A4GALT: variants seen among roughly 807,000 people sequenced by gnomAD.
A4GALT encodes lactosylceramide 4-alpha-galactosyltransferase.
For missense variants in A4GALT, 512 were observed against 486.0 expected, an observed-to-expected ratio of 1.05 and a Z score of -0.50; for synonymous variants, 257 against 220.7, an observed-to-expected ratio of 1.16 and a Z score of -1.46.
At chr22:42,720,056 T>TG (rs1922565406) in intron 1 of A4GALT, among the ~76,000 whole-genome samples, 1 of 152,122 alleles carries the variant, frequency 6.6e-6, no homozygotes, top group Non-Finnish European at 1.5e-5. Context: ...GGATGGGCGC[T>TG]GGGACCAGGT....
intron 1 of A4GALT, among the ~76,000 whole-genome samples, chr22:42,715,288 A>G (rs1275644679): frequency 6.6e-6 from 1 of 151,978 alleles, no homozygotes; most frequent in East Asian, 1.9e-4. Context: ...ACCACCAGAA[A>G]TGTGGTCAAG....
At chr22:42,698,524 C>A (rs1288682996) in intron 1 of A4GALT, among the ~76,000 whole-genome samples, 1 of 152,210 alleles carries the variant, frequency 6.6e-6, no homozygotes, top group Non-Finnish European at 1.5e-5. Context: ...CAACCATGAC[C>A]CAACAAAACG....
In A4GALT at chr22:42,706,197, T is replaced by C. The variant is rs1383219072; in HGVS notation, c.-187-10566A>G. ...GGTGAAACCCCGTCTCTACTAAAAA[T>C]ACAAAAAATTAGCCAGGCGTGGTGG... On this transcript the variant is annotated intron_variant, in intron 1 of 2. Coordinates refer to ENST00000642412, the MANE Select transcript of A4GALT (RefSeq NM_017436.7). Among the ~76,000 whole-genome samples, 2 of 136,870 alleles carry C rather than the reference T, an allele frequency of 1.5e-5. 1 individual carries two copies. The highest frequency in any genetic ancestry group is 5.5e-5 in the African/African-American group (2 of 36,678). The allele number at this position is 136,870 out of a possible 152,430, so 89.8% of individuals were successfully genotyped here. A position where few individuals can be genotyped will look rare whatever the true frequency, so the allele number is the denominator to read the frequency against.
chr22:42,712,584 C>T (rs1003830949), intron 1 of A4GALT, among the ~76,000 whole-genome samples: 3 of 152,210 alleles, frequency 2.0e-5, no homozygotes, highest in Non-Finnish European at 2.9e-5. Flanking sequence ...GCTTCACTTT[C>T]ACCTGTTTTA....
At chr22:42,709,526 G>A (rs67418653) in intron 1 of A4GALT, among the ~76,000 whole-genome samples, 52,959 of 151,762 alleles carry the variant, frequency 0.35, 10,264 homozygotes, top group South Asian at 0.45. Context: ...ACGGTGGCTC[G>A]TGCCTGTAAT....
chr22:42,711,123 TAAG>T (rs1921654780), intron 1 of A4GALT, among the ~76,000 whole-genome samples: 1 of 151,186 alleles, frequency 6.6e-6, no homozygotes, highest in Admixed American at 6.6e-5. Context: ...CAGAAATCAA[TAAG>T]AAGACTAACA....
chr22:42,703,253 G>GTTTTTTT (rs1224692766), intron 1 of A4GALT, among the ~76,000 whole-genome samples: 1 of 110,282 alleles, frequency 9.1e-6, no homozygotes, highest in African/African-American at 4.0e-5. Context: ...TTGTTTGTTT[G>GTTTTTTT]TTTTTGTTTT....
At chr22:42,703,295 G>A (rs1266963071) in intron 1 of A4GALT, among the ~76,000 whole-genome samples, 2 of 125,930 alleles carry the variant, frequency 1.6e-5, no homozygotes, top group Admixed American at 9.2e-5. Flanking sequence ...TCACTCTATT[G>A]CCAAGACTGG....
At chr22:42,711,781 G>A (rs1018436221) in intron 1 of A4GALT, among the ~76,000 whole-genome samples, 3 of 151,942 alleles carry the variant, frequency 2.0e-5, no homozygotes, top group African/African-American at 7.3e-5. Flanking sequence ...CTACAGATGC[G>A]TGCCACCACG....
chr22:42,700,598 T>C (rs1569043093), intron 1 of A4GALT, among the ~76,000 whole-genome samples: 1 of 152,294 alleles, frequency 6.6e-6, no homozygotes, highest in South Asian at 2.1e-4. Flanking sequence ...TGACCTGTGA[T>C]TGTGACCCCA....
At chr22:42,702,258 A>G (rs1051538091) in intron 1 of A4GALT, among the ~76,000 whole-genome samples, 6 of 151,900 alleles carry the variant, frequency 3.9e-5, no homozygotes, top group Non-Finnish European at 8.8e-5. Flanking sequence ...ACAGGACTGA[A>G]GGCACCTAGA....
intron 1 of A4GALT, among the ~76,000 whole-genome samples, chr22:42,698,283 T>C (rs1411385353): frequency 3.4e-5 from 5 of 147,808 alleles, no homozygotes; most frequent in African/African-American, 7.5e-5. Context: ...TGCAGGGCAA[T>C]GGAGACAGAA....
At chr22:42,713,806 C>A (rs1324135076) in intron 1 of A4GALT, among the ~76,000 whole-genome samples, 1 of 113,850 alleles carries the variant, frequency 8.8e-6, no homozygotes, top group East Asian at 2.7e-4. Flanking sequence ...GAGCGAAACT[C>A]TGTCAAAAAA....
intron 1 of A4GALT, among the ~76,000 whole-genome samples, chr22:42,700,154 G>A (rs532497454): frequency 1.7e-4 from 26 of 152,302 alleles, no homozygotes; most frequent in African/African-American, 3.1e-4. Flanking sequence ...TGGGGCCACC[G>A]CGCCCAGCGC....
intron 1 of A4GALT, among the ~76,000 whole-genome samples, chr22:42,703,581 G>T (rs928718634): frequency 6.6e-6 from 1 of 152,092 alleles, no homozygotes; most frequent in Admixed American, 6.6e-5. Context: ...TGCAAACTCT[G>T]AAAGTGCAGA....
At position 42,720,811 on chromosome 22, in the gene A4GALT, GCGGCGGGCGGCGGACAGCGGGGCCC is replaced by G. The variant is rs28992169; in HGVS notation, c.-227_-203del. On this transcript the variant is annotated 5_prime_UTR_variant, in exon 1 of 3. Transcript: ENST00000642412. ...GCCCCTCGTACCTCTAGCTCCAGCGGCGGCGGGCGGCGGACAGCGGGGCCCCGGCGGGCGGGCGGCGCGGCGGCCG... is the reference window on the plus strand; with the variant it reads ...GCCCCTCGTACCTCTAGCTCCAGCGGCGGCGGGCGGGCGGCGCGGCGGCCG... 0.2 allele frequency: 30,233 copies of G among 150,404 alleles called. 3,839 individuals are homozygous for G. Among genetic ancestry groups the G allele is most frequent in the South Asian group, 0.34 (1,847 of 5,456 alleles). 9.3% of individuals were successfully genotyped at this position (150,404 alleles called of 1,614,324 possible). A position where few individuals can be genotyped will look rare whatever the true frequency, so the allele number is the denominator to read the frequency against.
chr22:42,694,083 G>C (rs1930742032), intron 2 of A4GALT, 86 bp from the exon 3 acceptor site: 3 of 852,324 alleles, frequency 3.5e-6, no homozygotes. Flanking sequence ...ATCAGCCAGA[G>C]CCAAGGCTGG....
chr22:42,695,995 C>T lies in A4GALT; in HGVS notation c.-187-364G>A, dbSNP rs145759487. Among the ~76,000 whole-genome samples the T allele has an allele frequency of 3.1e-3, 477 of 151,806 alleles. 12 individuals are homozygous for T. The East Asian group carries it at 0.068, about 22-fold the overall frequency. ...AAAATTAGCCAGGCGCGGTGGTGTG[C>T]GCCTGTAATCCCAGCTACTCAGGTG... On this transcript the variant is annotated intron_variant, in intron 1 of 2. Transcript: ENST00000642412.
rs1220760695 is a variant in A4GALT, at chr22:42,695,486, CT to C, written c.-47+4del. On this transcript the variant is annotated splice_donor_region_variant and intron_variant, in intron 2 of 2. Transcript: ENST00000642412. ...CCTCGCTGATGTCACTGGCTGGTAA[CT>C]GACCAGCCTGGGCAGCCCATTGCAG... 3 of 152,240 alleles carry C rather than the reference CT, an allele frequency of 2.0e-5. No individual in the cohort carries two copies. Among genetic ancestry groups the C allele is most frequent in the Non-Finnish European group, 4.4e-5 (3 of 68,092 alleles). 9.4% of individuals were successfully genotyped at this position (152,240 alleles called of 1,614,324 possible).
Sources: allele counts gnomAD v4.1 joint callset (sites outside exome capture counted in the v4.1 genomes callset), GRCh38; gene constraint gnomAD v4.1.1; transcripts MANE v1.5; gene names NCBI Gene and HGNC (gene_info 2026-07-23, HGNC 2026-07-21).